ZNF131: variants seen among roughly 807,000 people sequenced by gnomAD.
The protein encoded by ZNF131 is zinc finger protein 131.
ZNF131 carries 7 observed loss-of-function variants against 60.0 expected under a neutral mutation model. That is an observed-to-expected ratio of 0.12 (90% CI 0.07 to 0.22). ZNF131 has a LOEUF of 0.22. Among genes scored for constraint, ZNF131 ranks in the 10% least tolerant of loss-of-function variants. The pLI is 1.00. For missense variants in ZNF131, 493 were observed against 740.9 expected, an observed-to-expected ratio of 0.67 and a Z score of 3.88; for synonymous variants, 257 against 253.2, an observed-to-expected ratio of 1.01 and a Z score of -0.14.
chr5:43,144,452 AC>A (rs1747327124), intron 4 of ZNF131, among the ~76,000 whole-genome samples: 1 of 147,522 alleles, frequency 6.8e-6, no homozygotes, highest in Admixed American at 6.8e-5. Flanking sequence ...CTGGTCTTGA[AC>A]TCCTGACCTC....
intron 4 of ZNF131, among the ~76,000 whole-genome samples, chr5:43,149,293 G>A (rs1046614336): frequency 4.6e-5 from 7 of 151,844 alleles, no homozygotes; most frequent in Admixed American, 6.6e-5. Flanking sequence ...GGTGGCTCAC[G>A]CCTATAATCT....
intron 4 of ZNF131, among the ~76,000 whole-genome samples, chr5:43,139,607 T>C (rs1297879509): frequency 4.6e-5 from 7 of 152,208 alleles, no homozygotes; most frequent in Non-Finnish European, 8.8e-5. Context: ...TGGATTCAAG[T>C]TATTGTTTAT....
chr5:43,133,822 G>GATTAAATAA (rs1745671960), intron 3 of ZNF131, among the ~76,000 whole-genome samples: 3 of 152,166 alleles, frequency 2.0e-5, no homozygotes, highest in African/African-American at 7.2e-5. Context: ...GGCATAAATG[G>GATTAAATAA]ATTAAATAAT....
chr5:43,147,842 G>T (rs1747810932), intron 4 of ZNF131, among the ~76,000 whole-genome samples: 1 of 151,724 alleles, frequency 6.6e-6, no homozygotes, highest in African/African-American at 2.4e-5. Context: ...ATCACCTGAG[G>T]TCACGAGTTT....
At chr5:43,169,063 C>G (rs938402694) in intron 5 of ZNF131, among the ~76,000 whole-genome samples, 1 of 152,122 alleles carries the variant, frequency 6.6e-6, no homozygotes, top group Non-Finnish European at 1.5e-5. Context: ...CAATTACTCC[C>G]TAGTTTCCAA....
At position 43,139,106 on chromosome 5, in the gene ZNF131, AAAC is replaced by A. The variant is rs1746491378; in HGVS notation, c.227-57_227-55del. The A allele has an allele frequency of 4.4e-6, 6 of 1,349,208 alleles. 1 individual carries two copies. In the East Asian group the frequency reaches 1.1e-4, roughly 24 times the overall value. 83.6% of individuals were successfully genotyped at this position (1,349,208 alleles called of 1,614,324 possible). A position where few individuals can be genotyped will look rare whatever the true frequency, so the allele number is the denominator to read the frequency against. On this transcript the variant is annotated intron_variant, in intron 3 of 6. Coordinates refer to ENST00000682664, the MANE Select transcript of ZNF131 (RefSeq NM_001330707.2). ...AGCCCTGGGCTTTTCTTTCTTTACT[AAAC>A]ATTGTAAGATTTGAGTCAATATGAT...
chr5:43,157,633 GT>G (rs1025554043), intron 4 of ZNF131, among the ~76,000 whole-genome samples: 2 of 152,136 alleles, frequency 1.3e-5, no homozygotes. Flanking sequence ...AGGTACTTTT[GT>G]TTCCTAAAGC....
Position 43,174,234 on chromosome 5 carries a change from A to G in ZNF131, c.1186-213A>G, listed in dbSNP as rs967156174. Among the ~76,000 whole-genome samples the G allele has an allele frequency of 3.3e-5, 5 of 152,230 alleles. No homozygotes were observed. The East Asian group carries it at 7.7e-4, about 23-fold the overall frequency. On this transcript the variant is annotated intron_variant, in intron 6 of 6. Transcript: ENST00000682664. Reference sequence around the variant, plus strand: ...CAAGAGCGAGACTTTGTTTCAAACAAAAGAATGTATTTAGGTTACTAGCTG... The same window carrying G: ...CAAGAGCGAGACTTTGTTTCAAACAGAAGAATGTATTTAGGTTACTAGCTG...
At chr5:43,155,565 T>C (rs1160607508) in intron 4 of ZNF131, among the ~76,000 whole-genome samples, 1 of 152,188 alleles carries the variant, frequency 6.6e-6, no homozygotes, top group Non-Finnish European at 1.5e-5. Flanking sequence ...GAGAATGCAC[T>C]GCAGTTCGAT....
intron 3 of ZNF131, among the ~76,000 whole-genome samples, chr5:43,132,243 A>G (rs1026942452): frequency 7.9e-5 from 12 of 152,230 alleles, no homozygotes; most frequent in African/African-American, 2.9e-4. Flanking sequence ...ACTAAAGAAT[A>G]AATGAAAGCA....
intron 6 of ZNF131, 91 bp downstream of exon 6, chr5:43,173,539 G>C: frequency 6.9e-7 from 1 of 1,442,832 alleles, no homozygotes; most frequent in Non-Finnish European, 9.3e-7. Context: ...TCAAGCAAAG[G>C]TATAGGGGCT....
chr5:43,126,524 G>A (rs889855312), intron 3 of ZNF131, among the ~76,000 whole-genome samples: 4 of 152,102 alleles, frequency 2.6e-5, no homozygotes, highest in Non-Finnish European at 5.9e-5. Flanking sequence ...TCTTCTCTCC[G>A]TGACTTCCCT....
At chr5:43,170,814 T>TAA (rs1750891522) in intron 5 of ZNF131, among the ~76,000 whole-genome samples, 2 of 147,276 alleles carry the variant, frequency 1.4e-5, no homozygotes, top group Non-Finnish European at 3.0e-5. Context: ...TTTTTTTTTT[T>TAA]TTAGTAGAGA....
intron 5 of ZNF131, among the ~76,000 whole-genome samples, chr5:43,165,224 C>G (rs931437167): frequency 6.9e-6 from 1 of 145,048 alleles, no homozygotes; most frequent in Non-Finnish European, 1.5e-5. Flanking sequence ...TTTTTTTTAG[C>G]TTTAACAACA....
intron 3 of ZNF131, among the ~76,000 whole-genome samples, chr5:43,129,020 G>A (rs1485989978): frequency 2.6e-5 from 4 of 152,058 alleles, no homozygotes; most frequent in Non-Finnish European, 4.4e-5. Flanking sequence ...TGCAGTCTCC[G>A]CCTCCCGGGT....
intron 1 of ZNF131, chr5:43,121,479 G>A (rs1057065007): frequency 1.3e-5 from 2 of 152,490 alleles, no homozygotes; most frequent in African/African-American, 4.8e-5. Context: ...TCGGCGCCCG[G>A]AAGGCGTCCG....
At position 43,143,898 on chromosome 5, in the gene ZNF131, C is replaced by CTTTTTTT. The variant is rs79246574; in HGVS notation, c.371+4621_371+4627dup. Among the ~76,000 whole-genome samples the CTTTTTTT allele has an allele frequency of 1.9e-3, 68 of 34,994 alleles. 28 individuals are homozygous for CTTTTTTT. The highest frequency in any genetic ancestry group is 2.2e-3 in the African/African-American group (19 of 8,544). The allele number at this position is 34,994 out of a possible 152,430, so 23.0% of individuals were successfully genotyped here. A position where few individuals can be genotyped will look rare whatever the true frequency, so the allele number is the denominator to read the frequency against. On this transcript the variant is annotated intron_variant, in intron 4 of 6. Transcript: ENST00000682664. The stretch of plus-strand genomic sequence containing the variant: ...TAGGTTCTCTGGAATATTGTCAGAG[C>CTTTTTTT]TTTTTTTTTTTTTTTTTTTTTTTTT...
Position 43,174,681 on chromosome 5 carries a change from C to G in ZNF131, c.1420C>G (p.Gln474Glu). ...TGTAACATCAATGACTATTATAGAA[C>G]AAGTTGGGAAGGTGCATGTGCTACC... ...EPVTSMTIIE[Q>E]VGKVHVLPLL... The change falls in exon 7 of 7, where the codon CAA becomes GAA. Residue 474 changes from glutamine (Q) to glutamate (E), a missense_variant. Gln to Glu is a conservative substitution (Grantham distance 29). Around this residue, in one of 7 missense-constraint regions of ZNF131, gnomAD observed 202 missense variants for 221.3 expected, o/e 0.91. Coordinates refer to ENST00000682664, the MANE Select transcript of ZNF131 (RefSeq NM_001330707.2). 2 of 1,614,172 alleles carry G rather than the reference C, an allele frequency of 1.2e-6. No homozygotes were observed. Among genetic ancestry groups the G allele is most frequent in the South Asian group, 1.1e-5 (1 of 91,088 alleles).
intron 4 of ZNF131, among the ~76,000 whole-genome samples, chr5:43,147,710 C>T (rs1299626973): frequency 1.3e-5 from 2 of 150,506 alleles, no homozygotes; most frequent in African/African-American, 2.4e-5. Flanking sequence ...CGTGAGCCAC[C>T]GCGCCCGGCC....
Sources: gnomAD v4.1 joint callset for allele counts (sites outside exome capture counted in the v4.1 genomes callset) on GRCh38, gnomAD v4.1.1 for gene constraint, gnomAD v4.1.1 regional missense constraint, MANE v1.5 for transcripts, NCBI Gene and HGNC (gene_info 2026-07-23, HGNC 2026-07-21) for gene names.